RARB: variants seen among roughly 807,000 people sequenced by gnomAD.
RARB encodes the protein HBV-activated protein.
In RARB, 17 loss-of-function variants were observed where a neutral mutation model predicts 51.9. That is an observed-to-expected ratio of 0.33 (90% CI 0.22 to 0.49). RARB has a LOEUF of 0.49. Among genes scored for constraint, RARB ranks in the 20% least tolerant of loss-of-function variants. The probability of loss-of-function intolerance (pLI) is 0.99; values close to 1 mark genes in which losing one functional copy is unlikely to be tolerated. For missense variants in RARB, 369 were observed against 550.8 expected, an observed-to-expected ratio of 0.67 and a Z score of 3.30; for synonymous variants, 215 against 195.4, an observed-to-expected ratio of 1.10 and a Z score of -0.84.
intron 1 of RARB, among the ~76,000 whole-genome samples, chr3:24,844,830 C>A (rs1702466339): frequency 6.6e-6 from 1 of 152,150 alleles, no homozygotes; most frequent in African/African-American, 2.4e-5. Flanking sequence ...CCTCTTTCTC[C>A]CTGCTCCCCA....
At chr3:25,453,636 C>T (rs761163126) in intron 1 of RARB, among the ~76,000 whole-genome samples, 4 of 152,174 alleles carry the variant, frequency 2.6e-5, no homozygotes, top group Admixed American at 6.5e-5. Flanking sequence ...AGACTCAAAA[C>T]CAAATTCTTT....
intron 3 of RARB, among the ~76,000 whole-genome samples, chr3:25,106,451 G>GGTTTTTTTTTTT (rs1575163102): frequency 4.8e-4 from 34 of 70,540 alleles, no homozygotes; most frequent in African/African-American, 1.9e-3. Context: ...ACTGTTTTTT[G>GGTTTTTTTTTTT]TTTTTTGTTT....
intron 2 of RARB, among the ~76,000 whole-genome samples, chr3:24,963,457 C>T (rs1486872742): frequency 6.8e-6 from 1 of 148,020 alleles, no homozygotes; most frequent in Non-Finnish European, 1.5e-5. Context: ...AGTTTGCCTT[C>T]TCATGCTTGC....
At chr3:25,398,268 A>G (rs1707171334) in intron 5 of RARB, among the ~76,000 whole-genome samples, 2 of 152,152 alleles carry the variant, frequency 1.3e-5, no homozygotes, top group South Asian at 2.1e-4. Context: ...AGGCTGGTCC[A>G]TCACCATTAA....
chr3:24,941,948 A>G (rs917169274), intron 2 of RARB, among the ~76,000 whole-genome samples: 5 of 152,214 alleles, frequency 3.3e-5, no homozygotes, highest in African/African-American at 1.2e-4. Context: ...AAGTGTTGCT[A>G]ATCAGGATCC....
At chr3:25,503,556 C>T (rs1436568991) in intron 3 of RARB, among the ~76,000 whole-genome samples, 4 of 152,152 alleles carry the variant, frequency 2.6e-5, no homozygotes, top group African/African-American at 9.7e-5. Context: ...AAAACTCCAG[C>T]ATCAGCCCTC....
chr3:25,047,659 A>G (rs1325093917), intron 2 of RARB, among the ~76,000 whole-genome samples: 1 of 152,224 alleles, frequency 6.6e-6, no homozygotes, highest in Admixed American at 6.5e-5. Flanking sequence ...CACTCAATAC[A>G]GTAGGTCTTT....
intron 5 of RARB, among the ~76,000 whole-genome samples, chr3:25,581,175 C>T (rs1410064929): frequency 6.6e-6 from 1 of 152,192 alleles, no homozygotes; most frequent in Admixed American, 6.5e-5. Flanking sequence ...CTCTCTCCTC[C>T]TAAGTGGGAG....
At chr3:25,344,180 A>T (rs537500220) in intron 5 of RARB, among the ~76,000 whole-genome samples, 1 of 152,182 alleles carries the variant, frequency 6.6e-6, no homozygotes, top group Non-Finnish European at 1.5e-5. Flanking sequence ...CTTTCATGCA[A>T]TCTTATTTGA....
At chr3:25,159,944 T>A (rs947633926) in intron 4 of RARB, among the ~76,000 whole-genome samples, 4 of 152,166 alleles carry the variant, frequency 2.6e-5, no homozygotes, top group Non-Finnish European at 5.9e-5. Context: ...AACTACCCAT[T>A]CTTTCTCCTC....
At chr3:25,062,685 A>T (rs1410366870) in intron 3 of RARB, among the ~76,000 whole-genome samples, 1 of 151,964 alleles carries the variant, frequency 6.6e-6, no homozygotes, top group Non-Finnish European at 1.5e-5. Flanking sequence ...GTATGATTCT[A>T]CATATACAAG....
chr3:24,878,262 T>C (rs1703087265), intron 2 of RARB, among the ~76,000 whole-genome samples: 1 of 152,154 alleles, frequency 6.6e-6, no homozygotes, highest in Admixed American at 6.5e-5. Context: ...CATCATTTTT[T>C]TAAACTTTCT....
chr3:25,045,354 A>T (rs1698192303), intron 2 of RARB, among the ~76,000 whole-genome samples: 1 of 152,128 alleles, frequency 6.6e-6, no homozygotes, highest in African/African-American at 2.4e-5. Flanking sequence ...CTGCAGTGAG[A>T]CAGGAGGGGG....
intron 5 of RARB, among the ~76,000 whole-genome samples, chr3:25,377,732 A>C (rs1219935537): frequency 6.6e-6 from 1 of 152,258 alleles, no homozygotes; most frequent in East Asian, 1.9e-4. Context: ...AATTCAAGCA[A>C]AGTTTGAGTT....
chr3:25,482,857 A>G (rs1696301711), intron 2 of RARB, among the ~76,000 whole-genome samples: 1 of 152,144 alleles, frequency 6.6e-6, no homozygotes, highest in Non-Finnish European at 1.5e-5. Context: ...CCACATTTTT[A>G]AAAAGAAACA....
At chr3:25,454,395 T>C (rs1239903449) in intron 1 of RARB, among the ~76,000 whole-genome samples, 3 of 152,212 alleles carry the variant, frequency 2.0e-5, no homozygotes, top group African/African-American at 7.2e-5. Context: ...GCAACTTTGC[T>C]CTTCTTCCTT....
chr3:25,419,176 C>A (rs1707790107), intron 5 of RARB, among the ~76,000 whole-genome samples: 1 of 152,052 alleles, frequency 6.6e-6, no homozygotes, highest in Non-Finnish European at 1.5e-5. Context: ...CTCTGTGTCC[C>A]TGTGTCTTCC....
chr3:25,196,408 C>A (rs1055272576), intron 5 of RARB, among the ~76,000 whole-genome samples: 1 of 152,044 alleles, frequency 6.6e-6, no homozygotes, highest in Non-Finnish European at 1.5e-5. Flanking sequence ...ACTCATCCTT[C>A]TTTATGGCTG....
intron 5 of RARB, among the ~76,000 whole-genome samples, chr3:25,362,680 A>G (rs1705983685): frequency 6.6e-6 from 1 of 152,172 alleles, no homozygotes; most frequent in South Asian, 2.1e-4. Flanking sequence ...GGAGTGCACC[A>G]TTACTCAAGG....
Sources: gnomAD v4.1 joint callset for allele counts (sites outside exome capture counted in the v4.1 genomes callset) on GRCh38, gnomAD v4.1.1 for gene constraint, MANE v1.5 for transcripts, NCBI Gene and HGNC (gene_info 2026-07-23, HGNC 2026-07-21) for gene names.